The following CHD4 variants were observed in gnomAD, a reference collection of about 807,000 sequenced individuals.
CHD4 encodes the protein chromodomain helicase DNA binding protein 4.
In CHD4, 35 loss-of-function variants were observed where a neutral mutation model predicts 235.5. The observed-to-expected ratio is 0.15, with a 90% CI of 0.11 to 0.20. CHD4 has a LOEUF of 0.20. Ranked by LOEUF, CHD4 falls within the 10% of genes least tolerant of loss-of-function variation. The pLI is 1.00. For synonymous variants in CHD4, 900 were observed against 850.2 expected, an observed-to-expected ratio of 1.06 and a Z score of -1.02; for missense variants, 1,329 against 2,432.3, an observed-to-expected ratio of 0.55 and a Z score of 9.54.
chr12:6,595,877 G>T, intron 13 of CHD4, 129 bp downstream of exon 13: 1 of 986,484 alleles, frequency 1.0e-6, no homozygotes. Context: ...AGAATCGTTT[G>T]AACCAGGAAG....
Position 6,582,731 on chromosome 12 carries a change from A to G in CHD4, c.4254T>C (p.Ala1418=). ...CATTAAGAAAGGCTTTTCGCTGACG[A>G]GCATTAAAACCAAGTACCTAGGGGA... ...GGNIEVLGFN[A]RQRKAFLNAI... is the part of the protein sequence containing the mutation. The change falls in exon 29 of 40, where the codon GCT becomes GCC. Residue 1418 remains alanine, a synonymous_variant. Coordinates refer to ENST00000544040, the MANE Select transcript of CHD4 (RefSeq NM_001273.5). 1 of 1,614,186 alleles carries G rather than the reference A, an allele frequency of 6.2e-7. No homozygotes were observed. The highest frequency in any genetic ancestry group is 8.5e-7 in the Non-Finnish European group (1 of 1,180,042).
In CHD4 at chr12:6,583,309, A is replaced by G; in HGVS notation, c.3949T>C (p.Leu1317=). 1 of 1,613,326 alleles carries G rather than the reference A, an allele frequency of 6.2e-7. No homozygotes were observed. The highest frequency in any genetic ancestry group is 8.5e-7 in the Non-Finnish European group (1 of 1,179,748). ...TGCTGCTCATAATGGTGCCGCAGCA[A>G]TTTCTCCCAGTAGTCAGGATCCACA... ...ESVDPDYWEK[L]LRHHYEQQQE... Residue 1317 remains leucine, a synonymous_variant, in exon 26 of 40, where the codon TTG becomes CTG. Transcript: ENST00000544040.
chr12:6,600,126 GCATTTC>G, intron 9 of CHD4, 85 bp downstream of exon 9: 1 of 1,564,424 alleles, frequency 6.4e-7, no homozygotes, highest in Non-Finnish European at 8.7e-7. Flanking sequence ...CGCAGCACCA[GCATTTC>G]CATTTCCATC....
At chr12:6,596,852 C>A (rs909701266) in intron 12 of CHD4, among the ~76,000 whole-genome samples, 3 of 151,300 alleles carry the variant, frequency 2.0e-5, no homozygotes, top group African/African-American at 7.3e-5. Context: ...CCCAGCTACT[C>A]TGGAGGCTGA....
intron 1 of CHD4, chr12:6,606,703 G>A (rs1948707272): frequency 4.5e-6 from 1 of 223,834 alleles, no homozygotes; most frequent in East Asian, 1.0e-4. Flanking sequence ...GAGACGCGGG[G>A]CTGGACCGAG....
chr12:6,597,169 G>A lies in CHD4; in HGVS notation c.1892+725C>T, dbSNP rs1353042236. 3.2e-4 allele frequency among the ~76,000 whole-genome samples: 48 copies of A among 149,052 alleles called. 1 individual carries two copies. The highest frequency in any genetic ancestry group is 1.9e-3 in the Admixed American group (28 of 14,970). ...CGATGGCCTGTAGTCCCAGCTACTC[G>A]GGAGGCTGAGGCAGGAAAATGGCGT... On this transcript the variant is annotated intron_variant, in intron 12 of 39. Coordinates refer to ENST00000544040, the MANE Select transcript of CHD4 (RefSeq NM_001273.5).
rs1472965157 is a variant in CHD4, at chr12:6,581,363, A to G, written c.4707T>C (p.Asn1569=). 2.5e-6 allele frequency: 4 copies of G among 1,613,754 alleles called. No individual in the cohort carries two copies. The highest frequency in any genetic ancestry group is 4.5e-5 in the East Asian group (2 of 44,890). ...CTATGCTCTCTTCTTCTTTGAGGCT[A>G]TTTTCCTCTATTTTTATCCCATCTT... ...PAEDGIKIEE[N]SLKEEESIEG... Residue 1569 remains asparagine (N), a synonymous_variant, in exon 32 of 40, where the codon AAT becomes AAC. Coordinates refer to ENST00000544040, the MANE Select transcript of CHD4 (RefSeq NM_001273.5).
At chr12:6,579,750 CA>C (rs61518872) in intron 33 of CHD4, among the ~76,000 whole-genome samples, 358 of 73,534 alleles carry the variant, frequency 4.9e-3, no homozygotes, top group South Asian at 0.026. Context: ...GACTCCGTCT[CA>C]AAAAAAAAAA....
intron 1 of CHD4, 153 bp from the exon 2 acceptor site, chr12:6,606,604 G>A (rs1351433559): frequency 2.4e-6 from 1 of 412,380 alleles, no homozygotes; most frequent in East Asian, 4.0e-5. Context: ...CTCCTCGGGG[G>A]CAGCCCGGAA....
intron 15 of CHD4, among the ~76,000 whole-genome samples, chr12:6,594,054 C>G (rs1168029526): frequency 6.6e-6 from 1 of 152,118 alleles, no homozygotes; most frequent in East Asian, 1.9e-4. Flanking sequence ...AGGCTGGTCT[C>G]GAACTCCTGA....
rs755223600 is a variant in CHD4, at chr12:6,582,829, A to G, written c.4236+19T>C. 1.2e-6 allele frequency: 2 copies of G among 1,613,990 alleles called. No homozygotes were observed. The highest frequency in any genetic ancestry group is 2.2e-5 in the East Asian group (1 of 44,886). On this transcript the variant is annotated intron_variant, in intron 28 of 39. Transcript: ENST00000544040. The stretch of plus-strand genomic sequence containing the variant: ...CAATATCTGACACTCACCCCTCCTT[A>G]GAATCGTATGGCACTTACTTCAATA...
At chr12:6,592,897 C>T in intron 17 of CHD4, 80 bp from the exon 18 acceptor site, 1 of 1,555,032 alleles carries the variant, frequency 6.4e-7, no homozygotes. Context: ...AAGTTTTTCA[C>T]TGCCCAATAG....
At chr12:6,585,545 G>C (rs976267537) in intron 25 of CHD4, among the ~76,000 whole-genome samples, 1 of 151,794 alleles carries the variant, frequency 6.6e-6, no homozygotes, top group African/African-American at 2.4e-5. Context: ...GCCTCCCAAA[G>C]TGCTGGGATT....
chr12:6,578,994 A>G (rs1388981849), intron 33 of CHD4, 77 bp from the exon 34 acceptor site: 1 of 1,335,968 alleles, frequency 7.5e-7, no homozygotes, highest in Non-Finnish European at 1.1e-6. Flanking sequence ...ATCCAATTGG[A>G]TAGACCCACA....
intron 37 of CHD4, 110 bp downstream of exon 37, chr12:6,577,675 A>T: frequency 7.0e-7 from 1 of 1,427,936 alleles, no homozygotes; most frequent in Non-Finnish European, 9.6e-7. Context: ...CCTTCCATAG[A>T]ATGAAGAAAG....
chr12:6,592,943 C>T (rs1948426329), intron 17 of CHD4, 126 bp from the exon 18 acceptor site: 14 of 1,509,054 alleles, frequency 9.3e-6, no homozygotes, highest in Non-Finnish European at 1.2e-5. Context: ...TTTTAAAGGC[C>T]TGGCCACCAA....
rs1252215917 is a variant in CHD4, at chr12:6,578,875, T to C, written c.4952A>G (p.Asp1651Gly). 6.2e-7 allele frequency: 1 copy of C among 1,614,116 alleles called. No individual in the cohort carries two copies. Among genetic ancestry groups the C allele is most frequent in the Non-Finnish European group, 8.5e-7 (1 of 1,180,044 alleles). The change falls in exon 34 of 40, where the codon GAT becomes GGT. Residue 1651 changes from aspartate (D) to glycine (G), a missense_variant. Around this residue, in one of 26 missense-constraint regions of CHD4, gnomAD observed 219 missense variants for 219.3 expected, o/e 1.00. Coordinates refer to ENST00000544040, the MANE Select transcript of CHD4 (RefSeq NM_001273.5). ...VEKVEEKSAI[D>G]LTPIVVEDKE... ...GTCTTCTACCACAATAGGGGTCAGA[T>C]CTATTGCTGACTTTTCCTCCACCTT...
In CHD4 at chr12:6,593,046, A is replaced by T. The variant is rs760146680; in HGVS notation, c.2652+45T>A. On this transcript the variant is annotated intron_variant, in intron 17 of 39. Transcript: ENST00000544040. The surrounding 1 kb of genome is among the most constrained non-coding windows in gnomAD (Gnocchi z 4.9). ...CCCTTAATGAATTGGTAGTACTAGA[A>T]AAAACCCAAAGTGGGGGCTCCAACA... is the stretch of plus-strand genomic sequence containing the variant. 1 of 1,607,108 alleles carries T rather than the reference A, an allele frequency of 6.2e-7. No individual in the cohort carries two copies. Among genetic ancestry groups the T allele is most frequent in the South Asian group, 1.1e-5 (1 of 90,940 alleles).
intron 14 of CHD4, 129 bp downstream of exon 14, chr12:6,595,205 G>A (rs1054512223): frequency 4.1e-6 from 3 of 739,068 alleles, no homozygotes; most frequent in Non-Finnish European, 6.7e-6. Flanking sequence ...TGGGGAAGCC[G>A]ACTTTGTGAA....
Sources: gnomAD v4.1 joint callset for allele counts (sites outside exome capture counted in the v4.1 genomes callset) on GRCh38, gnomAD v4.1.1 for gene constraint, gnomAD v4.1.1 regional missense constraint, Gnocchi (gnomAD v3.1) non-coding constraint, MANE v1.5 for transcripts, NCBI Gene and HGNC (gene_info 2026-07-23, HGNC 2026-07-21) for gene names.